The following OPCML variants were observed in gnomAD, a reference collection of about 807,000 sequenced individuals.
OPCML encodes the protein opioid binding protein/cell adhesion molecule like, also known as opioid-binding protein/cell adhesion molecule.
Under a neutral mutation model 37.8 loss-of-function variants are expected in OPCML, and 13 were observed. The ratio of observed to expected loss-of-function variants is 0.34; its 90% CI spans 0.22 to 0.55. The LOEUF is 0.55. OPCML is among the 20% of genes least tolerant of loss of function. OPCML has a pLI of 0.91. For synonymous variants in OPCML, 176 were observed against 168.8 expected (o/e 1.04, Z -0.33); for missense variants, 341 against 435.6 (o/e 0.78, Z 1.93).
rs539502758 is a variant in OPCML at position 133,311,028 on chromosome 11, G to T, written c.61+221236C>A. ...TTAACAATTGCCAACCAGATGGCAGGCAGCAATATAAAAGGTATTACAAAG... is the reference window on the plus strand; with the variant it reads ...TTAACAATTGCCAACCAGATGGCAGTCAGCAATATAAAAGGTATTACAAAG... On this transcript the variant is annotated intron_variant, in intron 1 of 7. Transcript: ENST00000524381. Among the ~76,000 whole-genome samples, 7 of 152,290 alleles carry T rather than the reference G, an allele frequency of 4.6e-5. No homozygotes were observed. In the South Asian group the frequency reaches 8.3e-4, roughly 18 times the overall value.
intron 1 of OPCML, among the ~76,000 whole-genome samples, chr11:133,048,912 AG>A (rs1948074546): frequency 6.6e-6 from 1 of 152,242 alleles, no homozygotes; most frequent in Non-Finnish European, 1.5e-5. Flanking sequence ...AAATTCAGTC[AG>A]TTTGAAAGTC....
At chr11:132,818,660 A>ATATATATATATATATATATATACAT (rs56858242) in intron 2 of OPCML, among the ~76,000 whole-genome samples, 1 of 115,558 alleles carries the variant, frequency 8.7e-6, no homozygotes, top group Non-Finnish European at 1.7e-5. Context: ...ATATATATAT[A>ATATATATATATATATATATATACAT]GACAGATTAT....
intron 2 of OPCML, among the ~76,000 whole-genome samples, chr11:132,905,317 C>T (rs866081603): frequency 7.3e-5 from 11 of 150,114 alleles, no homozygotes; most frequent in Non-Finnish European, 1.2e-4. Context: ...CTGCAATCTC[C>T]GCCTCCCAGA....
At chr11:133,484,191 G>C (rs933849376) in intron 1 of OPCML, among the ~76,000 whole-genome samples, 4 of 152,126 alleles carry the variant, frequency 2.6e-5, no homozygotes, top group African/African-American at 7.2e-5. Flanking sequence ...TAGATAGATA[G>C]ATGTAAGAGC....
chr11:132,881,377 A>G lies in OPCML; in HGVS notation c.146+61549T>C, dbSNP rs561534539. On this transcript the variant is annotated intron_variant, in intron 2 of 7. Coordinates refer to ENST00000524381, the MANE Select transcript of OPCML (RefSeq NM_001012393.5). ...AGCCTCCAGGATTGCAGGCCCCCCA[A>G]GAAGGGGCATGAAGCACAAACAATG... Among the ~76,000 whole-genome samples the G allele has an allele frequency of 2.6e-5, 4 of 152,292 alleles. No individual in the cohort carries two copies. The East Asian group carries it at 5.8e-4, about 22-fold the overall frequency.
intron 1 of OPCML, chr11:133,005,646 G>GA (rs112146953): frequency 0.16 from 158,548 of 975,768 alleles, 12,083 homozygotes; most frequent in African/African-American, 0.32. Flanking sequence ...AGCCATCCAA[G>GA]AAAAAAAAAC....
At chr11:132,980,062 C>CCA (rs1161694824) in intron 1 of OPCML, among the ~76,000 whole-genome samples, 1 of 152,096 alleles carries the variant, frequency 6.6e-6, no homozygotes, top group African/African-American at 2.4e-5. Flanking sequence ...AGAGCAGAAG[C>CCA]CACACTATAG....
intron 1 of OPCML, among the ~76,000 whole-genome samples, chr11:133,037,834 G>A (rs1947809424): frequency 6.6e-6 from 1 of 152,188 alleles, no homozygotes; most frequent in Non-Finnish European, 1.5e-5. Context: ...TAAATGGTTA[G>A]AATTTGTGTG....
At chr11:132,496,113 T>A (rs1022956346) in intron 4 of OPCML, among the ~76,000 whole-genome samples, 1 of 152,084 alleles carries the variant, frequency 6.6e-6, no homozygotes, top group Non-Finnish European at 1.5e-5. Context: ...CAAATCTGAA[T>A]TCCCCCCACT....
intron 1 of OPCML, among the ~76,000 whole-genome samples, chr11:133,037,317 GA>G (rs1450202833): frequency 2.6e-5 from 4 of 152,040 alleles, no homozygotes; most frequent in South Asian, 2.1e-4. Context: ...TTCAATTTAA[GA>G]AAAAAAGTAC....
chr11:133,423,922 G>GT (rs1945947033), intron 1 of OPCML, among the ~76,000 whole-genome samples: 1 of 152,142 alleles, frequency 6.6e-6, no homozygotes, highest in Non-Finnish European at 1.5e-5. Context: ...TTTGCCTTCT[G>GT]CCATGATTGG....
intron 1 of OPCML, among the ~76,000 whole-genome samples, chr11:133,295,416 C>A (rs928120325): frequency 6.6e-6 from 1 of 152,118 alleles, no homozygotes; most frequent in African/African-American, 2.4e-5. Context: ...CCGATCTGAA[C>A]TTTGATACAG....
chr11:132,737,673 C>T (rs1459458835), intron 2 of OPCML, among the ~76,000 whole-genome samples: 1 of 152,024 alleles, frequency 6.6e-6, no homozygotes, highest in Non-Finnish European at 1.5e-5. Flanking sequence ...TAGAGAGCTT[C>T]CTTCTACTTT....
At chr11:133,268,199 C>T (rs141418055) in intron 1 of OPCML, among the ~76,000 whole-genome samples, 2 of 152,224 alleles carry the variant, frequency 1.3e-5, no homozygotes, top group Non-Finnish European at 2.9e-5. Context: ...TTACATCCCA[C>T]TGACTTTTCT....
chr11:132,420,456 C>A, intron 7 of OPCML, 163 bp from the exon 8 acceptor site: 1 of 936,818 alleles, frequency 1.1e-6, no homozygotes, highest in African/African-American at 1.8e-5. Flanking sequence ...TTTAGGAACT[C>A]AAAGGGGCAA....
intron 2 of OPCML, among the ~76,000 whole-genome samples, chr11:132,766,784 G>A (rs747228425): frequency 9.2e-5 from 14 of 151,972 alleles, no homozygotes; most frequent in Non-Finnish European, 1.6e-4. Context: ...GTGTGATCTG[G>A]TACCAGATCC....
chr11:132,845,611 C>T (rs993635215), intron 2 of OPCML, among the ~76,000 whole-genome samples: 1 of 152,070 alleles, frequency 6.6e-6, no homozygotes, highest in Non-Finnish European at 1.5e-5. Context: ...ATTCGAGTTC[C>T]CAAAAGGGGC....
intron 4 of OPCML, among the ~76,000 whole-genome samples, chr11:132,526,774 C>G (rs1394366091): frequency 6.6e-6 from 1 of 151,850 alleles, no homozygotes; most frequent in Non-Finnish European, 1.5e-5. Context: ...ATAAAATGCA[C>G]TTTTTTTTAC....
intron 2 of OPCML, among the ~76,000 whole-genome samples, chr11:132,897,757 AT>A (rs1228483454): frequency 6.6e-6 from 1 of 152,186 alleles, no homozygotes; most frequent in Non-Finnish European, 1.5e-5. Flanking sequence ...TAGAGGAAAA[AT>A]GGCCAGATGT....
Sources: allele counts gnomAD v4.1 joint callset (sites outside exome capture counted in the v4.1 genomes callset), GRCh38; gene constraint gnomAD v4.1.1; transcripts MANE v1.5; gene names NCBI Gene and HGNC (gene_info 2026-07-23, HGNC 2026-07-21).